PCDHGB4: variants seen among roughly 807,000 people sequenced by gnomAD.
PCDHGB4 encodes protocadherin gamma subfamily B, 4.
A neutral mutation model predicts 60.5 loss-of-function variants in PCDHGB4; 38 were observed. The observed-to-expected ratio is 0.63, with a 90% CI of 0.48 to 0.82. The LOEUF (loss-of-function observed/expected upper bound fraction) is 0.82. PCDHGB4 is among the 40% of genes least tolerant of loss of function. The pLI is 0.00. For synonymous variants in PCDHGB4, 456 were observed against 509.7 expected, an observed-to-expected ratio of 0.89 and a Z score of 1.42; for missense variants, 1,109 against 1,209.6, an observed-to-expected ratio of 0.92 and a Z score of 1.23.
At chr5:141,498,220 G>T (rs1562182972) in intron 2 of PCDHGB4, among the ~76,000 whole-genome samples, 1 of 152,222 alleles carries the variant, frequency 6.6e-6, no homozygotes, top group Non-Finnish European at 1.5e-5. Flanking sequence ...GAGCATTCCA[G>T]ATGGTCAGGC....
At chr5:141,492,091 C>A (rs930375969) in intron 1 of PCDHGB4, among the ~76,000 whole-genome samples, 1 of 152,242 alleles carries the variant, frequency 6.6e-6, no homozygotes, top group South Asian at 2.1e-4. Flanking sequence ...CACGCTTCGC[C>A]GGTCTGTAGA....
intron 1 of PCDHGB4, among the ~76,000 whole-genome samples, chr5:141,481,886 C>T (rs575190135): frequency 6.9e-6 from 1 of 145,360 alleles, no homozygotes; most frequent in South Asian, 2.2e-4. Context: ...TGCACTCCAG[C>T]CTGGGTGAAA....
At chr5:141,443,874 A>G (rs2098409122) in intron 1 of PCDHGB4, among the ~76,000 whole-genome samples, 1 of 152,190 alleles carries the variant, frequency 6.6e-6, no homozygotes, top group Non-Finnish European at 1.5e-5. Flanking sequence ...AATTACTGAT[A>G]AGTCAAGAGA....
At chr5:141,423,618 C>T (rs2096760725) in intron 1 of PCDHGB4, 2 of 1,608,284 alleles carry the variant, frequency 1.2e-6, no homozygotes, top group East Asian at 2.2e-5. Flanking sequence ...TAGCTGAAGA[C>T]TCAGCTATCA....
At chr5:141,470,165 G>C (rs559578238) in intron 1 of PCDHGB4, among the ~76,000 whole-genome samples, 1 of 152,276 alleles carries the variant, frequency 6.6e-6, no homozygotes, top group Non-Finnish European at 1.5e-5. Context: ...TCAAATCAAA[G>C]TATGCAAAAT....
chr5:141,398,874 C>G (rs1384943457), intron 1 of PCDHGB4: 1 of 1,613,978 alleles, frequency 6.2e-7, no homozygotes, highest in South Asian at 1.1e-5. Context: ...TGTACAGAGT[C>G]AGCCTTCGGG....
chr5:141,421,051 A>G (rs1330155141), intron 1 of PCDHGB4: 8 of 559,830 alleles, frequency 1.4e-5, no homozygotes, highest in South Asian at 2.6e-5. Flanking sequence ...CCCCGCCTCT[A>G]CCACACAAAG....
At chr5:141,420,228 G>C (rs750839002) in intron 1 of PCDHGB4, 3 of 1,603,310 alleles carry the variant, frequency 1.9e-6, no homozygotes, top group Non-Finnish European at 2.6e-6. Flanking sequence ...CTACTGGCTA[G>C]CATTTTAACT....
intron 1 of PCDHGB4, among the ~76,000 whole-genome samples, chr5:141,461,711 C>A (rs897443905): frequency 1.3e-5 from 2 of 152,112 alleles, no homozygotes; most frequent in African/African-American, 2.4e-5. Flanking sequence ...ACTTTTTTTG[C>A]CCAGGCTGGA....
chr5:141,394,996 C>T (rs1331251272), intron 1 of PCDHGB4: 1 of 1,613,916 alleles, frequency 6.2e-7, no homozygotes, highest in African/African-American at 1.3e-5. Flanking sequence ...CTCCAGGATT[C>T]CGGTGGCAGA....
At chr5:141,437,047 G>C (rs2097860477) in intron 1 of PCDHGB4, among the ~76,000 whole-genome samples, 1 of 152,214 alleles carries the variant, frequency 6.6e-6, no homozygotes, top group Admixed American at 6.5e-5. Context: ...AAACCAGAAG[G>C]CTGGTGATCA....
chr5:141,394,864 C>T, intron 1 of PCDHGB4: 4 of 1,613,780 alleles, frequency 2.5e-6, no homozygotes, highest in Non-Finnish European at 3.4e-6. Context: ...TCGGTCGACC[C>T]GAACGATTCG....
chr5:141,389,331 G>C lies in PCDHGB4; in HGVS notation c.1447G>C (p.Gly483Arg), dbSNP rs1212558688. ...RASDPDLGPN[G>R]QVSYCIMASD... ...TTCTGATCCGGACTTGGGGCCCAACGGCCAAGTCTCTTACTGCATCATGGC... is the reference window on the plus strand; with the variant it reads ...TTCTGATCCGGACTTGGGGCCCAACCGCCAAGTCTCTTACTGCATCATGGC... Residue 483 changes from glycine to arginine, a missense_variant, in exon 1 of 4, where the codon GGC (glycine) becomes CGC (arginine). Transcript: ENST00000519479. 1 of 1,613,868 alleles carries C rather than the reference G, an allele frequency of 6.2e-7. No individual in the cohort carries two copies. The highest frequency in any genetic ancestry group is 8.5e-7 in the Non-Finnish European group (1 of 1,179,916).
At chr5:141,444,152 A>ATTTTT (rs747671382) in intron 1 of PCDHGB4, among the ~76,000 whole-genome samples, 10 of 33,898 alleles carry the variant, frequency 3.0e-4, no homozygotes, top group Middle Eastern at 0.019. Context: ...TGTGTACTGG[A>ATTTTT]TTTTTTTTTT....
intron 1 of PCDHGB4, among the ~76,000 whole-genome samples, chr5:141,430,390 A>G (rs1231067120): frequency 6.6e-6 from 1 of 152,216 alleles, no homozygotes; most frequent in Non-Finnish European, 1.5e-5. Flanking sequence ...TGGGAAAAAA[A>G]AAAAAAGCTC....
At chr5:141,483,797 G>GCTGCTTTT (rs1255394691) in intron 1 of PCDHGB4, among the ~76,000 whole-genome samples, 3 of 152,174 alleles carry the variant, frequency 2.0e-5, no homozygotes, top group Non-Finnish European at 4.4e-5. Context: ...TCCAGTTGTT[G>GCTGCTTTT]CTGCTTTTTT....
intron 1 of PCDHGB4, chr5:141,400,148 G>A (rs377393833): frequency 2.5e-6 from 4 of 1,614,056 alleles, no homozygotes; most frequent in African/African-American, 2.7e-5. Flanking sequence ...ATCACTGACC[G>A]CCCTGTACCC....
chr5:141,492,023 C>A, intron 1 of PCDHGB4: 1 of 564,804 alleles, frequency 1.8e-6, no homozygotes, highest in Non-Finnish European at 3.0e-6. Context: ...TCGGGGGTCC[C>A]GGGAGGAGGC....
At chr5:141,417,256 C>G (rs985322130) in intron 1 of PCDHGB4, 1 of 152,096 alleles carries the variant, frequency 6.6e-6, no homozygotes, top group Non-Finnish European at 1.5e-5. Flanking sequence ...CTTCCAGCTT[C>G]ATAGATAATT....
Sources: allele counts gnomAD v4.1 joint callset (sites outside exome capture counted in the v4.1 genomes callset), GRCh38; gene constraint gnomAD v4.1.1; transcripts MANE v1.5; gene names NCBI Gene and HGNC (gene_info 2026-07-23, HGNC 2026-07-21).